RPGRIP1L: variants seen among roughly 807,000 people sequenced by gnomAD.
RPGRIP1L encodes the protein RPGRIP1 like.
In RPGRIP1L, 131 loss-of-function variants were observed where a neutral mutation model predicts 160.4. The observed-to-expected ratio is 0.82, with a 90% CI of 0.71 to 0.94. The LOEUF (loss-of-function observed/expected upper bound fraction) is 0.94. Among genes scored for constraint, RPGRIP1L ranks in the 40% least tolerant of loss-of-function variants. The pLI is 0.00. For synonymous variants in RPGRIP1L, 510 were observed against 515.8 expected (o/e 0.99, Z 0.15); for missense variants, 1,522 against 1,535.8 (o/e 0.99, Z 0.15).
chr16:53,700,782 T>A, intron 1 of RPGRIP1L, 52 bp from the exon 2 acceptor site: 1 of 1,379,048 alleles, frequency 7.3e-7, no homozygotes, highest in Non-Finnish European at 1.0e-6. Context: ...TTACATTAAC[T>A]ATGCAATGGA....
At chr16:53,700,167 A>G (rs1352119895) in intron 2 of RPGRIP1L, among the ~76,000 whole-genome samples, 2 of 152,254 alleles carry the variant, frequency 1.3e-5, no homozygotes, top group Non-Finnish European at 1.5e-5. Flanking sequence ...CTACTAAGTG[A>G]TAAAAGGATA....
In RPGRIP1L at chr16:53,649,072, C is replaced by T; in HGVS notation, c.2196G>A (p.Trp732Ter). 1.2e-6 allele frequency: 2 copies of T among 1,614,028 alleles called. No homozygotes were observed. The highest frequency in any genetic ancestry group is 1.7e-6 in the Non-Finnish European group (2 of 1,179,944). ...DIPNFGTVEY[W>*]FRLRVPMDQA... ...GATCCATGGGAACTCTTAATCGGAA[C>T]CAGTATTCCACTGTGCCAAAATTTG... is the stretch of plus-strand genomic sequence containing the variant. The change falls in exon 16 of 27, where the codon TGG becomes TGA. Residue 732 changes from tryptophan (W) to a stop codon, truncating the protein, a stop_gained. Coordinates refer to ENST00000647211, the MANE Select transcript of RPGRIP1L (RefSeq NM_015272.5). LOFTEE classifies it high-confidence loss of function.
chr16:53,657,297 A>T (rs1322012356), intron 13 of RPGRIP1L, among the ~76,000 whole-genome samples, 156 bp downstream of exon 13: 2 of 152,124 alleles, frequency 1.3e-5, no homozygotes, highest in Non-Finnish European at 1.5e-5. Context: ...TATTCTAACT[A>T]AGTACCTAGT....
chr16:53,644,815 A>C (rs1340587579), intron 17 of RPGRIP1L, among the ~76,000 whole-genome samples: 1 of 152,226 alleles, frequency 6.6e-6, no homozygotes, highest in Non-Finnish European at 1.5e-5. Flanking sequence ...CAGTAGACCT[A>C]ACTTACAAGA....
chr16:53,603,709 T>TGTGTGTG (rs1567787230), intron 26 of RPGRIP1L, among the ~76,000 whole-genome samples: 1 of 150,268 alleles, frequency 6.7e-6, no homozygotes, highest in African/African-American at 2.5e-5. Context: ...TGTGTGTGTG[T>TGTGTGTG]TTAATTCCAA....
In RPGRIP1L at chr16:53,692,236, T is replaced by G; in HGVS notation, c.359A>C (p.His120Pro). The G allele has an allele frequency of 6.2e-7, 1 of 1,614,216 alleles. No individual in the cohort carries two copies. The change falls in exon 4 of 27, where the codon CAT becomes CCT. Residue 120 changes from histidine (H) to proline (P), a missense_variant. Transcript: ENST00000647211. ...GGTTTCATTTTGTTTTTCAAGCTCA[T>G]GAACTTTCTCTTGCAGCTGCTCAAT... ...EMIEQLQEKV[H>P]ELEKQNETLK... is the part of the protein sequence containing the mutation.
rs1968872504 is a variant in RPGRIP1L, at chr16:53,673,001, T to C, written c.898A>G (p.Arg300Gly). The change falls in exon 8 of 27, where the codon AGA becomes GGA. Residue 300 changes from arginine to glycine, a missense_variant. Transcript: ENST00000647211. ...IQLQEKQRTL[R>G]ISHDALMANG... Reference sequence around the variant, plus strand: ...GCCATCAAAGCATCGTGGCTGATTCTGAGAGTTCTTTGCTTCTAAAAGATA... The same window carrying C: ...GCCATCAAAGCATCGTGGCTGATTCCGAGAGTTCTTTGCTTCTAAAAGATA... 1 of 1,613,048 alleles carries C rather than the reference T, an allele frequency of 6.2e-7. No homozygotes were observed. Among genetic ancestry groups the C allele is most frequent in the Middle Eastern group, 1.7e-4 (1 of 5,962 alleles).
chr16:53,634,474 G>T (rs1965707865), intron 22 of RPGRIP1L, among the ~76,000 whole-genome samples: 1 of 152,142 alleles, frequency 6.6e-6, no homozygotes, highest in South Asian at 2.1e-4. Context: ...AATATGGTTT[G>T]TTCGTCTCCA....
intron 22 of RPGRIP1L, among the ~76,000 whole-genome samples, chr16:53,630,157 A>T (rs1018019441): frequency 2.0e-5 from 3 of 151,984 alleles, no homozygotes; most frequent in Non-Finnish European, 4.4e-5. Flanking sequence ...CGATCCTCCA[A>T]CCTCAGCCTT....
intron 5 of RPGRIP1L, among the ~76,000 whole-genome samples, 179 bp from the exon 6 acceptor site, chr16:53,686,755 CG>C (rs1970047851): frequency 6.6e-6 from 1 of 152,100 alleles, no homozygotes; most frequent in East Asian, 1.9e-4. Flanking sequence ...GAAATACATA[CG>C]GAACAATGCA....
Position 53,611,068 on chromosome 16 carries a change from A to C in RPGRIP1L, c.3617-17T>G, listed in dbSNP as rs1185688099. The C allele has an allele frequency of 1.3e-6, 2 of 1,566,680 alleles. No homozygotes were observed. The highest frequency in any genetic ancestry group is 1.4e-5 in the African/African-American group (1 of 73,998). ...CGTAGATCACTATACCAAAAGAAAA[A>C]AAAATGCCAAAAAGGAAGTCACTCA... On this transcript the variant is annotated splice_polypyrimidine_tract_variant and intron_variant, in intron 24 of 26. Transcript: ENST00000647211.
At chr16:53,657,259 A>C (rs1295966855) in intron 13 of RPGRIP1L, among the ~76,000 whole-genome samples, 194 bp downstream of exon 13, 2 of 151,852 alleles carry the variant, frequency 1.3e-5, no homozygotes, top group Admixed American at 6.6e-5. Context: ...AACCAAAAAA[A>C]CCCCACATTA....
intron 2 of RPGRIP1L, among the ~76,000 whole-genome samples, chr16:53,697,083 A>AAGG: frequency 6.6e-6 from 1 of 151,986 alleles, no homozygotes; most frequent in East Asian, 1.9e-4. Context: ...AGTCCCAGCT[A>AAGG]CTCAGGAGGC....
chr16:53,628,990 G>T (rs1007964466), intron 22 of RPGRIP1L, among the ~76,000 whole-genome samples: 2 of 152,062 alleles, frequency 1.3e-5, no homozygotes, highest in Non-Finnish European at 2.9e-5. Context: ...AATGGTGTGT[G>T]TGTGTGTATA....
Position 53,700,669 on chromosome 16 carries a change from G to C in RPGRIP1L, c.55C>G (p.Leu19Val). 1.9e-6 allele frequency: 3 copies of C among 1,613,514 alleles called. No homozygotes were observed. The highest frequency in any genetic ancestry group is 2.5e-6 in the Non-Finnish European group (3 of 1,179,700). Residue 19 changes from leucine (L) to valine (V), a missense_variant, in exon 2 of 27, where the codon CTA becomes GTA. By Grantham distance (32) the Leu-to-Val change is conservative (BLOSUM62 1). Coordinates refer to ENST00000647211, the MANE Select transcript of RPGRIP1L (RefSeq NM_015272.5). Reference sequence around the variant, plus strand: ...AACCCTCCCATTCCAAAGAGGTTTAGACCTGTATCTTTCACAGGCAAGTCT... The same window carrying C: ...AACCCTCCCATTCCAAAGAGGTTTACACCTGTATCTTTCACAGGCAAGTCT... ...AGDLPVKDTG[L>V]NLFGMGGLQE...
At chr16:53,650,857 T>C (rs752879472) in intron 15 of RPGRIP1L, among the ~76,000 whole-genome samples, 10 of 152,204 alleles carry the variant, frequency 6.6e-5, no homozygotes, top group Non-Finnish European at 1.5e-4. Flanking sequence ...TTTTGCTGGC[T>C]TTTCCTCCTC....
At chr16:53,670,479 A>C (rs1968620106) in intron 9 of RPGRIP1L, among the ~76,000 whole-genome samples, 1 of 151,086 alleles carries the variant, frequency 6.6e-6, no homozygotes, top group South Asian at 2.1e-4. Flanking sequence ...TTAAAATTAC[A>C]CACACAGACA....
intron 24 of RPGRIP1L, among the ~76,000 whole-genome samples, chr16:53,612,202 A>G (rs1003027108): frequency 5.3e-5 from 8 of 152,102 alleles, no homozygotes; most frequent in African/African-American, 1.9e-4. Flanking sequence ...GGTTTCAGAG[A>G]AGAATCATCC....
rs567044152 is a variant in RPGRIP1L, at chr16:53,615,630, T to C, written c.3616+3395A>G. Among the ~76,000 whole-genome samples, 18 of 151,866 alleles carry C rather than the reference T, an allele frequency of 1.2e-4. No individual in the cohort carries two copies. In the South Asian group the frequency reaches 3.8e-3, roughly 32 times the overall value. On this transcript the variant is annotated intron_variant, in intron 24 of 26. Coordinates refer to ENST00000647211, the MANE Select transcript of RPGRIP1L (RefSeq NM_015272.5). ...CTGGGATTACAGGCGCCTGCCACCATGCCCATCTAATTTTTGTATTTTTAG... is the reference window on the plus strand; with the variant it reads ...CTGGGATTACAGGCGCCTGCCACCACGCCCATCTAATTTTTGTATTTTTAG...
Sources: gnomAD v4.1 joint callset for allele counts (sites outside exome capture counted in the v4.1 genomes callset) on GRCh38, gnomAD v4.1.1 for gene constraint, MANE v1.5 for transcripts, NCBI Gene and HGNC (gene_info 2026-07-23, HGNC 2026-07-21) for gene names.